DCP1B: variants seen among roughly 807,000 people sequenced by gnomAD.
DCP1B encodes mRNA-decapping enzyme 1B.
Under a neutral mutation model 60.5 loss-of-function variants are expected in DCP1B, and 47 were observed. The ratio of observed to expected loss-of-function variants is 0.78; its 90% CI spans 0.61 to 0.99. The LOEUF (loss-of-function observed/expected upper bound fraction) is 0.99. Among genes scored for constraint, DCP1B ranks in the 50% least tolerant of loss-of-function variants. The probability of loss-of-function intolerance (pLI) is 0.00; values close to 1 mark genes in which losing one functional copy is unlikely to be tolerated. For synonymous variants in DCP1B, 267 were observed against 280.3 expected (o/e 0.95, Z 0.47); for missense variants, 725 against 756.8 (o/e 0.96, Z 0.49).
intron 3 of DCP1B, among the ~76,000 whole-genome samples, chr12:1,987,781 T>C (rs1393013004): frequency 6.6e-6 from 1 of 152,200 alleles, no homozygotes; most frequent in East Asian, 1.9e-4. Flanking sequence ...TCTTTAACTA[T>C]GTATTATGAT....
rs1304302700 is a variant in DCP1B, at chr12:1,948,830, T to C, written c.1773+256A>G. The stretch of plus-strand genomic sequence containing the variant: ...ATATGCTTCCTTCTCTTCTGACAGG[T>C]GACAGCTTGGAGGCCTTAGACAGTC... On this transcript the variant is annotated intron_variant, in intron 8 of 8. Coordinates refer to ENST00000280665, the MANE Select transcript of DCP1B (RefSeq NM_152640.5). The surrounding 1 kb of genome is among the most constrained non-coding windows in gnomAD (Gnocchi z 4.8). Among the ~76,000 whole-genome samples, 1 of 152,160 alleles carries C rather than the reference T, an allele frequency of 6.6e-6. No individual in the cohort carries two copies. Among genetic ancestry groups the C allele is most frequent in the Non-Finnish European group, 1.5e-5 (1 of 68,030 alleles).
intron 3 of DCP1B, among the ~76,000 whole-genome samples, chr12:1,988,895 T>C (rs2038588227): frequency 6.6e-6 from 1 of 152,212 alleles, no homozygotes; most frequent in South Asian, 2.1e-4. Context: ...CTACCCAAAA[T>C]GGTAAATTCA....
At position 1,993,337 on chromosome 12, in the gene DCP1B, A is replaced by G. The variant is rs1593251109; in HGVS notation, c.246T>C (p.Asn82=). The change falls in exon 3 of 9, where the codon AAT becomes AAC. Residue 82 remains asparagine, a synonymous_variant. Transcript: ENST00000280665. ...FTIMNRLSME[N]RTEPITKDLD... Reference sequence around the variant, plus strand: ...AGTCTTTAGTAATAGGTTCTGTCCTATTTTCCATGCTCAGCCTATTCATAA... The same window carrying G: ...AGTCTTTAGTAATAGGTTCTGTCCTGTTTTCCATGCTCAGCCTATTCATAA... 2 of 1,613,950 alleles carry G rather than the reference A, an allele frequency of 1.2e-6. No homozygotes were observed. Among genetic ancestry groups the G allele is most frequent in the Non-Finnish European group, 8.5e-7 (1 of 1,179,970 alleles).
At position 1,957,701 on chromosome 12, in the gene DCP1B, C is replaced by T. The variant is rs910289744; in HGVS notation, c.523-2141G>A. On this transcript the variant is annotated intron_variant, in intron 5 of 8. Transcript: ENST00000280665. Reference sequence around the variant, plus strand: ...CATCTCAACTAGAAATTGAATAGGGCGGAGATAAAAAGAGATGAAATGCAA... The same window carrying T: ...CATCTCAACTAGAAATTGAATAGGGTGGAGATAAAAAGAGATGAAATGCAA... 1.7e-4 allele frequency among the ~76,000 whole-genome samples: 26 copies of T among 152,186 alleles called. No homozygotes were observed. In the South Asian group the frequency reaches 2.1e-3, roughly 12 times the overall value.
rs763737740 is a variant in DCP1B at position 1,993,343 on chromosome 12, C to T, written c.240G>A (p.Met80Ile). Reference sequence around the variant, plus strand: ...TAGTAATAGGTTCTGTCCTATTTTCCATGCTCAGCCTATTCATAATGGTGA... The same window carrying T: ...TAGTAATAGGTTCTGTCCTATTTTCTATGCTCAGCCTATTCATAATGGTGA... ...HGFTIMNRLS[M>I]ENRTEPITKD... The change falls in exon 3 of 9, where the codon ATG becomes ATA. Residue 80 changes from methionine to isoleucine, a missense_variant. Transcript: ENST00000280665. The T allele has an allele frequency of 1.2e-6, 2 of 1,614,028 alleles. No homozygotes were observed. Among genetic ancestry groups the T allele is most frequent in the Non-Finnish European group, 1.7e-6 (2 of 1,179,926 alleles).
intron 3 of DCP1B, among the ~76,000 whole-genome samples, chr12:1,978,583 T>C (rs1364441129): frequency 6.6e-6 from 1 of 152,232 alleles, no homozygotes; most frequent in Non-Finnish European, 1.5e-5. Flanking sequence ...AGTGTTCTGC[T>C]CAGTGAGTTG....
intron 7 of DCP1B, chr12:1,950,281 G>A: frequency 1.4e-6 from 1 of 702,072 alleles, no homozygotes; most frequent in Non-Finnish European, 2.6e-6. Flanking sequence ...GCGGTGCTGA[G>A]CAGTGATGCT....
chr12:1,984,398 G>C (rs1488034881), intron 3 of DCP1B, among the ~76,000 whole-genome samples: 1 of 151,362 alleles, frequency 6.6e-6, no homozygotes. Context: ...CTTTTTAGTG[G>C]TTGCTCTAAG....
downstream of DCP1B, among the ~76,000 whole-genome samples, chr12:1,943,273 A>G (rs981838026): frequency 1.3e-5 from 2 of 152,240 alleles, no homozygotes; most frequent in African/African-American, 4.8e-5. Context: ...TGAATAGGCC[A>G]ATAACAAGTT....
intron 6 of DCP1B, among the ~76,000 whole-genome samples, chr12:1,954,669 C>A (rs1241995233): frequency 6.6e-6 from 1 of 152,124 alleles, no homozygotes; most frequent in Non-Finnish European, 1.5e-5. Flanking sequence ...CTCTCGGCGG[C>A]AGCTACCCCA....
chr12:1,960,793 C>A (rs2031094329), intron 5 of DCP1B, among the ~76,000 whole-genome samples: 1 of 152,102 alleles, frequency 6.6e-6, no homozygotes, highest in Admixed American at 6.5e-5. Flanking sequence ...ATCACATCAC[C>A]AATATGTAAC....
intron 6 of DCP1B, among the ~76,000 whole-genome samples, chr12:1,953,904 T>C (rs112268863): frequency 0.027 from 4,142 of 152,310 alleles, 94 homozygotes; most frequent in Middle Eastern, 0.054. Context: ...AACATGAGGC[T>C]AGGCACAGTG....
chr12:1,951,450 T>TC (rs1274167476), intron 7 of DCP1B, among the ~76,000 whole-genome samples: 2 of 152,206 alleles, frequency 1.3e-5, no homozygotes, highest in African/African-American at 4.8e-5. Context: ...AGGCAGATGA[T>TC]CAATAGCTTG....
chr12:1,941,650 T>C (rs2030281735), downstream of DCP1B, among the ~76,000 whole-genome samples: 1 of 152,164 alleles, frequency 6.6e-6, no homozygotes, highest in South Asian at 2.1e-4. Context: ...TCTTTGACAC[T>C]GATGACCTTC....
intron 6 of DCP1B, among the ~76,000 whole-genome samples, chr12:1,954,553 T>C (rs1011199277): frequency 2.8e-5 from 4 of 144,564 alleles, no homozygotes; most frequent in Admixed American, 1.4e-4. Flanking sequence ...TATATATATA[T>C]ACACTAACAC....
chr12:1,996,664 T>C (rs1293096160), intron 2 of DCP1B, among the ~76,000 whole-genome samples: 20 of 104,502 alleles, frequency 1.9e-4, no homozygotes, highest in African/African-American at 4.2e-4. Context: ...AACAACAAAC[T>C]CTTCTAATGT....
intron 2 of DCP1B, among the ~76,000 whole-genome samples, chr12:1,996,241 T>C (rs1449149756): frequency 6.6e-6 from 1 of 152,142 alleles, no homozygotes; most frequent in Non-Finnish European, 1.5e-5. Context: ...TCTATTACTC[T>C]CCTGTTCATA....
At chr12:1,997,256 C>T (rs540036105) in intron 2 of DCP1B, among the ~76,000 whole-genome samples, 1 of 152,278 alleles carries the variant, frequency 6.6e-6, no homozygotes, top group African/African-American at 2.4e-5. Flanking sequence ...CAGCCAGGTG[C>T]GGTGGCTCAC....
chr12:1,984,802 G>C (rs1462116797), intron 3 of DCP1B, among the ~76,000 whole-genome samples: 3 of 100,022 alleles, frequency 3.0e-5, no homozygotes, highest in Non-Finnish European at 6.3e-5. Flanking sequence ...AAAAAAAAAA[G>C]GTTCTTTTTA....
Sources: allele counts gnomAD v4.1 joint callset (sites outside exome capture counted in the v4.1 genomes callset), GRCh38; gene constraint gnomAD v4.1.1; non-coding constraint Gnocchi (gnomAD v3.1); transcripts MANE v1.5; gene names NCBI Gene and HGNC (gene_info 2026-07-23, HGNC 2026-07-21).